TNK2: variants seen among roughly 807,000 people sequenced by gnomAD.
The protein encoded by TNK2 is activated CDC42 kinase 1.
A neutral mutation model predicts 101.8 loss-of-function variants in TNK2; 83 were observed. The ratio of observed to expected loss-of-function variants is 0.82; its 90% CI spans 0.68 to 0.98. The LOEUF is 0.98. TNK2 is among the 50% of genes least tolerant of loss of function. TNK2 has a pLI of 0.00. For missense variants in TNK2, 1,665 were observed against 1,483.2 expected (o/e 1.12, Z -2.01); for synonymous variants, 804 against 633.0 (o/e 1.27, Z -4.06).
intron 9 of TNK2, among the ~76,000 whole-genome samples, chr3:195,877,589 C>A (rs1485584704): frequency 6.6e-6 from 1 of 152,182 alleles, no homozygotes; most frequent in Non-Finnish European, 1.5e-5. Context: ...CCTGCCCTGC[C>A]CCAGCCAGTT....
intron 1 of TNK2, chr3:195,892,332 G>T: frequency 7.3e-7 from 1 of 1,378,664 alleles, no homozygotes; most frequent in Non-Finnish European, 9.7e-7. Flanking sequence ...TCCCAGTCTT[G>T]CTTTCTGCCT....
intron 1 of TNK2, among the ~76,000 whole-genome samples, chr3:195,898,172 G>A (rs1043362614): frequency 7.9e-5 from 12 of 151,772 alleles, no homozygotes; most frequent in South Asian, 2.1e-4. Flanking sequence ...ACCCCACCAC[G>A]GACCCCCAAC....
At chr3:195,887,909 C>T (rs1187794771) in intron 2 of TNK2, among the ~76,000 whole-genome samples, 1 of 141,520 alleles carries the variant, frequency 7.1e-6, no homozygotes, top group Non-Finnish European at 1.5e-5. Context: ...CGTGTGTGCA[C>T]GTGCATGCGT....
In TNK2 at chr3:195,868,540, G is replaced by T; in HGVS notation, c.1758C>A (p.Ile586=). The change falls in exon 13 of 16, where the codon ATC becomes ATA. Residue 586 remains isoleucine, a synonymous_variant. Transcript: ENST00000672887. ...GGACCACGGGCTCCTCACCGAAGTCGATGAGCGTGACCTCAGCCCCGCTGC... is the reference window on the plus strand; with the variant it reads ...GGACCACGGGCTCCTCACCGAAGTCTATGAGCGTGACCTCAGCCCCGCTGC... ...SRGSGAEVTL[I]DFGEEPVVPA... 4 of 1,567,254 alleles carry T rather than the reference G, an allele frequency of 2.6e-6. No individual in the cohort carries two copies. Among genetic ancestry groups the T allele is most frequent in the Non-Finnish European group, 3.4e-6 (4 of 1,165,320 alleles).
chr3:195,895,404 G>A (rs1430278091), intron 1 of TNK2: 6 of 1,531,392 alleles, frequency 3.9e-6, no homozygotes, highest in African/African-American at 2.9e-5. Context: ...CTGGGGGGCC[G>A]GGCCTCGAGC....
intron 1 of TNK2, among the ~76,000 whole-genome samples, chr3:195,898,128 C>G (rs1760834429): frequency 6.6e-6 from 1 of 152,026 alleles, no homozygotes; most frequent in Non-Finnish European, 1.5e-5. Flanking sequence ...GAAAACATCA[C>G]AAGCCAACAC....
At position 195,885,386 on chromosome 3, in the gene TNK2, C is replaced by A. The variant is rs1375224117; in HGVS notation, c.235-353G>T. The A allele has an allele frequency of 1.5e-6, 2 of 1,343,232 alleles. No homozygotes were observed. Among genetic ancestry groups the A allele is most frequent in the Non-Finnish European group, 1.9e-6 (2 of 1,025,972 alleles). 83.2% of individuals were successfully genotyped at this position (1,343,232 alleles called of 1,614,324 possible). On this transcript the variant is annotated intron_variant, in intron 3 of 15. Coordinates refer to ENST00000672887, the MANE Select transcript of TNK2 (RefSeq NM_001382273.1). This position sits in a 1 kb window ranked among gnomAD's most constrained non-coding sequence, Gnocchi z 4.7. ...CTGCCCCACCCTCCCTTCCTGCACC[C>A]GCCACCCCGCAGACTCCAGCCCTAA...
intron 1 of TNK2, among the ~76,000 whole-genome samples, chr3:195,899,462 G>C (rs1363926609): frequency 6.6e-6 from 1 of 152,026 alleles, no homozygotes; most frequent in Non-Finnish European, 1.5e-5. Context: ...AAGTAGCTGA[G>C]ATTACAAGTG....
At chr3:195,904,952 T>A (rs1010111354) in intron 1 of TNK2, among the ~76,000 whole-genome samples, 2 of 152,102 alleles carry the variant, frequency 1.3e-5, no homozygotes, top group Admixed American at 6.5e-5. Context: ...CCAATCAAAA[T>A]CCCAGCAGGC....
In TNK2 at chr3:195,884,786, G is replaced by A. The variant is rs536109323; in HGVS notation, c.456+26C>T. 3.6e-5 allele frequency: 57 copies of A among 1,585,320 alleles called. 2 individuals are homozygous for A. The South Asian group carries it at 5.4e-4, about 15-fold the overall frequency. On this transcript the variant is annotated intron_variant, in intron 4 of 15. Transcript: ENST00000672887. Reference sequence around the variant, plus strand: ...CAGCCCCGGGTCCCATGCCTCTGCTGCGCTGGCAGGACACAGAGAGCTCAC... The same window carrying A: ...CAGCCCCGGGTCCCATGCCTCTGCTACGCTGGCAGGACACAGAGAGCTCAC...
intron 1 of TNK2, chr3:195,892,301 C>T (rs890240269): frequency 2.7e-6 from 3 of 1,128,800 alleles, no homozygotes; most frequent in Non-Finnish European, 3.7e-6. Flanking sequence ...CAAGCCCTCA[C>T]TGGCGGGGTC....
At position 195,868,527 on chromosome 3, in the gene TNK2, C is replaced by T; in HGVS notation, c.1771G>A (p.Glu591Lys). ...AEVTLIDFGE[E>K]PVVPALRPCA... ...GGCCGTAGGGCCGGGACCACGGGCTCCTCACCGAAGTCGATGAGCGTGACC... is the reference window on the plus strand; with the variant it reads ...GGCCGTAGGGCCGGGACCACGGGCTTCTCACCGAAGTCGATGAGCGTGACC... The change falls in exon 13 of 16, where the codon GAG becomes AAG. Residue 591 changes from glutamate (E) to lysine (K), a missense_variant. Glu to Lys is a moderately conservative substitution (Grantham distance 56). This residue lies in a region of TNK2 where 1,136 missense variants were observed against 894.9 expected (regional missense o/e 1.27). Coordinates refer to ENST00000672887, the MANE Select transcript of TNK2 (RefSeq NM_001382273.1). 1.9e-5 allele frequency: 29 copies of T among 1,562,076 alleles called. No individual in the cohort carries two copies. The highest frequency in any genetic ancestry group is 2.2e-5 in the Non-Finnish European group (25 of 1,162,744).
chr3:195,866,969 G>GT lies in TNK2; in HGVS notation c.3080dup (p.His1027GlnfsTer41). 3 of 1,613,162 alleles carry GT rather than the reference G, an allele frequency of 1.9e-6. No individual in the cohort carries two copies. The highest frequency in any genetic ancestry group is 2.5e-6 in the Non-Finnish European group (3 of 1,179,904). ...TCCAGTCGAACATCTCCAGCACTTT[G>GT]TGGCACTCCCCTCTGGGCCGCAGAC... On this transcript the variant is annotated frameshift_variant, in exon 15 of 16. Transcript: ENST00000672887. LOFTEE classifies it high-confidence loss of function.
At chr3:195,897,280 T>C (rs1760697660) in intron 1 of TNK2, among the ~76,000 whole-genome samples, 1 of 152,200 alleles carries the variant, frequency 6.6e-6, no homozygotes, top group Non-Finnish European at 1.5e-5. Flanking sequence ...CGGCTGGGCC[T>C]GACATCACAC....
intron 10 of TNK2, 36 bp downstream of exon 10, chr3:195,872,240 G>C: frequency 1.2e-6 from 2 of 1,610,518 alleles, no homozygotes; most frequent in Non-Finnish European, 1.7e-6. Flanking sequence ...GTCCCGAGCG[G>C]GGCCAGGTCA....
At chr3:195,901,875 C>T (rs1015447999) in intron 1 of TNK2, among the ~76,000 whole-genome samples, 1 of 152,130 alleles carries the variant, frequency 6.6e-6, no homozygotes, top group African/African-American at 2.4e-5. Context: ...TGGAGGTCCC[C>T]GCGGAAGTCT....
intron 6 of TNK2, among the ~76,000 whole-genome samples, chr3:195,879,740 A>G (rs1443218674): frequency 6.6e-6 from 1 of 152,124 alleles, no homozygotes; most frequent in Non-Finnish European, 1.5e-5. Flanking sequence ...ACTGAGGTGC[A>G]GAGAGGAGGG....
intron 10 of TNK2, 94 bp downstream of exon 10, chr3:195,872,182 G>A (rs1019697193): frequency 5.8e-6 from 8 of 1,387,758 alleles, no homozygotes; most frequent in Admixed American, 2.1e-5. Context: ...CCGGGCGAAA[G>A]GGTGAAGAGC....
intron 5 of TNK2, 29 bp downstream of exon 5, chr3:195,883,128 G>GC: frequency 1.9e-6 from 3 of 1,591,864 alleles, no homozygotes; most frequent in East Asian, 2.2e-5. Flanking sequence ...CCCTCTCCCT[G>GC]CCCGCCCCCT....
Sources: gnomAD v4.1 joint callset for allele counts (sites outside exome capture counted in the v4.1 genomes callset) on GRCh38, gnomAD v4.1.1 for gene constraint, gnomAD v4.1.1 regional missense constraint, Gnocchi (gnomAD v3.1) non-coding constraint, MANE v1.5 for transcripts, NCBI Gene and HGNC (gene_info 2026-07-23, HGNC 2026-07-21) for gene names.